The following DYNC1I2 variants were observed in gnomAD, a reference collection of about 807,000 sequenced individuals.
DYNC1I2 encodes the protein dynein cytoplasmic 1 intermediate chain 2, also known as cytoplasmic dynein 1 intermediate chain 2.
In DYNC1I2, 53 loss-of-function variants were observed where a neutral mutation model predicts 88.6. That is an observed-to-expected ratio of 0.60 (90% CI 0.48 to 0.75). The LOEUF (loss-of-function observed/expected upper bound fraction) is 0.75. Among genes scored for constraint, DYNC1I2 ranks in the 30% least tolerant of loss-of-function variants. The pLI is 0.00. For synonymous variants in DYNC1I2, 198 were observed against 254.6 expected (o/e 0.78, Z 2.12); for missense variants, 458 against 766.6 (o/e 0.60, Z 4.75).
chr2:171,731,624 G>A (rs201023814), intron 15 of DYNC1I2, among the ~76,000 whole-genome samples: 4 of 152,136 alleles, frequency 2.6e-5, no homozygotes, highest in Admixed American at 1.3e-4. Flanking sequence ...ATGGTGGTGC[G>A]CACCTGTGGT....
At chr2:171,724,538 G>T (rs1688110862) in intron 7 of DYNC1I2, among the ~76,000 whole-genome samples, 1 of 152,196 alleles carries the variant, frequency 6.6e-6, no homozygotes, top group Admixed American at 6.5e-5. Flanking sequence ...TGGCCTGGCT[G>T]CTGGGACCAT....
chr2:171,693,056 CA>C, intron 3 of DYNC1I2, 162 bp downstream of exon 3: 1 of 614,986 alleles, frequency 1.6e-6, no homozygotes, highest in Non-Finnish European at 2.9e-6. Context: ...TATGCTAGTA[CA>C]TGGTTATTTT....
At chr2:171,718,768 T>G (rs368366962) in intron 7 of DYNC1I2, among the ~76,000 whole-genome samples, 1 of 152,272 alleles carries the variant, frequency 6.6e-6, no homozygotes, top group Middle Eastern at 3.4e-3. Flanking sequence ...TGACTAAAAA[T>G]TATAACACCA....
At chr2:171,698,383 ATC>A (rs965592588) in intron 3 of DYNC1I2, among the ~76,000 whole-genome samples, 7 of 152,076 alleles carry the variant, frequency 4.6e-5, no homozygotes, top group African/African-American at 1.7e-4. Flanking sequence ...CATGTATTTT[ATC>A]TCTTTTTTTT....
chr2:171,744,293 G>T, intron 16 of DYNC1I2, 104 bp downstream of exon 16: 7 of 1,227,718 alleles, frequency 5.7e-6, no homozygotes, highest in Non-Finnish European at 7.7e-6. Flanking sequence ...AAAGGGTTCT[G>T]TGATTGTAGA....
chr2:171,714,667 G>A (rs1687362497), intron 6 of DYNC1I2, among the ~76,000 whole-genome samples: 1 of 152,158 alleles, frequency 6.6e-6, no homozygotes, highest in African/African-American at 2.4e-5. Context: ...AGTGACTTTA[G>A]TAGATTTATG....
At chr2:171,695,861 A>C (rs1242384747) in intron 3 of DYNC1I2, among the ~76,000 whole-genome samples, 2 of 152,214 alleles carry the variant, frequency 1.3e-5, no homozygotes, top group Non-Finnish European at 2.9e-5. Context: ...TCACATGATG[A>C]CTGGATATTA....
chr2:171,693,683 A>G (rs1685551393), intron 3 of DYNC1I2, among the ~76,000 whole-genome samples: 1 of 152,232 alleles, frequency 6.6e-6, no homozygotes, highest in Non-Finnish European at 1.5e-5. Context: ...CTGCAACATA[A>G]CTGTCCTTAG....
rs1044684041 is a variant in DYNC1I2 at position 171,706,746 on chromosome 2, CTT to C, written c.244+188_244+189del. ...TGCAGTCATTTCTCTAAATTGATAT[CTT>C]TTTTTGGGGGGGAGGCAGTGAAATC... On this transcript the variant is annotated intron_variant, in intron 4 of 17. Transcript: ENST00000397119. The C allele has an allele frequency of 8.7e-5, 43 of 491,710 alleles. No homozygotes were observed. The South Asian group carries it at 1.9e-3, about 21-fold the overall frequency. The allele number at this position is 491,710 out of a possible 1,614,324, so 30.5% of individuals were successfully genotyped here.
intron 3 of DYNC1I2, among the ~76,000 whole-genome samples, chr2:171,697,833 G>A (rs1044828013): frequency 6.0e-5 from 9 of 149,624 alleles, no homozygotes; most frequent in African/African-American, 1.2e-4. Flanking sequence ...TAGCCTGAGC[G>A]ACACAGCAAG....
chr2:171,707,412 G>A (rs312925), intron 5 of DYNC1I2, 35 bp downstream of exon 5: 424,221 of 1,584,416 alleles, frequency 0.27, 58,794 homozygotes, highest in African/African-American at 0.38. Flanking sequence ...TTTAATGATA[G>A]AATGCATTCA....
intron 5 of DYNC1I2, chr2:171,712,388 A>G (rs1388835974): frequency 5.9e-6 from 1 of 169,448 alleles, no homozygotes; most frequent in Non-Finnish European, 1.3e-5. Context: ...TTCATTAGGA[A>G]TCTTAAAATT....
intron 16 of DYNC1I2, among the ~76,000 whole-genome samples, chr2:171,744,641 G>A (rs146875284): frequency 1.3e-5 from 2 of 152,238 alleles, no homozygotes; most frequent in African/African-American, 4.8e-5. Context: ...AATATATTTT[G>A]ATTTTTGATG....
intron 7 of DYNC1I2, among the ~76,000 whole-genome samples, chr2:171,716,965 T>G (rs996448492): frequency 5.9e-5 from 9 of 151,966 alleles, no homozygotes; most frequent in Admixed American, 3.9e-4. Flanking sequence ...TAATAGTAGA[T>G]CATCACAGAC....
In DYNC1I2 at chr2:171,746,919, C is replaced by T. The variant is rs539256423; in HGVS notation, c.1804-857C>T. 1.4e-4 allele frequency among the ~76,000 whole-genome samples: 22 copies of T among 151,952 alleles called. 1 individual carries two copies. The South Asian group carries it at 1.7e-3, about 11-fold the overall frequency. On this transcript the variant is annotated intron_variant, in intron 17 of 17. Transcript: ENST00000397119. ...AAAAATATTTGTTATTGGGGCCGGG[C>T]GCAGTGGCTCACACCTGTAATCCCA...
At chr2:171,717,245 C>T (rs1427553421) in intron 7 of DYNC1I2, among the ~76,000 whole-genome samples, 1 of 149,666 alleles carries the variant, frequency 6.7e-6, no homozygotes, top group Admixed American at 6.7e-5. Context: ...TCCTGAGTAG[C>T]TGGGATTACA....
chr2:171,747,207 T>TTATATATATATATATATA lies in DYNC1I2; in HGVS notation c.1804-561_1804-544dup, dbSNP rs67834157. On this transcript the variant is annotated intron_variant, in intron 17 of 17. Coordinates refer to ENST00000397119, the MANE Select transcript of DYNC1I2 (RefSeq NM_001378.3). ...GGACTGTCTCAAAAAAAAAAAAAAATTATATATATATATATATATATATAT... is the reference window on the plus strand; with the variant it reads ...GGACTGTCTCAAAAAAAAAAAAAAATTATATATATATATATATATATATATATATATATATATATATAT... Among the ~76,000 whole-genome samples the TTATATATATATATATATA allele has an allele frequency of 2.8e-3, 350 of 124,638 alleles. 4 individuals are homozygous for TTATATATATATATATATA. Among genetic ancestry groups the TTATATATATATATATATA allele is most frequent in the Non-Finnish European group, 4.1e-3 (248 of 60,502 alleles). The allele number at this position is 124,638 out of a possible 152,430, so 81.8% of individuals were successfully genotyped here.
chr2:171,699,591 AGTGTGTGTGTGTGT>A (rs3223500), intron 3 of DYNC1I2, among the ~76,000 whole-genome samples: 58 of 137,822 alleles, frequency 4.2e-4, no homozygotes, highest in South Asian at 7.4e-4. Context: ...CATCATTTGG[AGTGTGTGTGTGTGT>A]GTGTGTGTGT....
intron 5 of DYNC1I2, among the ~76,000 whole-genome samples, chr2:171,710,113 A>ATG (rs1415617946): frequency 2.5e-5 from 3 of 120,140 alleles, no homozygotes; most frequent in Admixed American, 9.5e-5. Context: ...ATTCATTTTT[A>ATG]TGTATATATA....
Sources: gnomAD v4.1 joint callset for allele counts (sites outside exome capture counted in the v4.1 genomes callset) on GRCh38, gnomAD v4.1.1 for gene constraint, MANE v1.5 for transcripts, NCBI Gene and HGNC (gene_info 2026-07-23, HGNC 2026-07-21) for gene names.